NR1H4: variants seen among roughly 807,000 people sequenced by gnomAD.
The protein encoded by NR1H4 is bile acid receptor.
NR1H4 carries 23 observed loss-of-function variants against 58.5 expected under a neutral mutation model. The ratio of observed to expected loss-of-function variants is 0.39; its 90% CI spans 0.28 to 0.56. The LOEUF (loss-of-function observed/expected upper bound fraction) is 0.56. Ranked by LOEUF, NR1H4 falls within the 20% of genes least tolerant of loss-of-function variation. The pLI is 0.58. For synonymous variants in NR1H4, 214 were observed against 198.0 expected (o/e 1.08, Z -0.68); for missense variants, 487 against 576.9 (o/e 0.84, Z 1.60).
chr12:100,499,792 G>T lies in NR1H4; in HGVS notation c.79+6390G>T, dbSNP rs17030224. 3,437 of 451,384 alleles carry T rather than the reference G, an allele frequency of 7.6e-3. 63 individuals carry two copies. The highest frequency in any genetic ancestry group is 0.051 in the African/African-American group (2,547 of 50,026). 28.0% of individuals were successfully genotyped at this position (451,384 alleles called of 1,614,324 possible). ...AATGATAACAGCTAGTATTTCTTGA[G>T]TGCTTTATAGAAATTAATGTGTCAG... On this transcript the variant is annotated intron_variant, in intron 3 of 10. Coordinates refer to ENST00000392986, the MANE Select transcript of NR1H4 (RefSeq NM_001206979.2).
intron 9 of NR1H4, among the ~76,000 whole-genome samples, chr12:100,550,355 A>G (rs1266655713): frequency 6.6e-6 from 1 of 151,968 alleles, no homozygotes; most frequent in Non-Finnish European, 1.5e-5. Flanking sequence ...GAATGAGTTT[A>G]TATTTTGTTT....
chr12:100,493,060 T>C (rs1254992363), intron 2 of NR1H4, among the ~76,000 whole-genome samples: 2 of 152,178 alleles, frequency 1.3e-5, no homozygotes, highest in Non-Finnish European at 2.9e-5. Context: ...GTATCTTTTA[T>C]GCAAGCACGT....
intron 1 of NR1H4, among the ~76,000 whole-genome samples, chr12:100,487,555 CT>C (rs934813698): frequency 2.0e-5 from 3 of 146,954 alleles, no homozygotes; most frequent in African/African-American, 7.5e-5. Context: ...CAAATCAGAT[CT>C]TTTTCTTTTC....
At chr12:100,550,137 TTAGAG>T (rs1379789867) in intron 9 of NR1H4, among the ~76,000 whole-genome samples, 1 of 152,168 alleles carries the variant, frequency 6.6e-6, no homozygotes. Context: ...TTAATGAGAA[TTAGAG>T]TATTTATGTT....
intron 9 of NR1H4, among the ~76,000 whole-genome samples, chr12:100,543,559 T>TTGTGTGTGTGTG (rs60277729): frequency 6.9e-6 from 1 of 145,708 alleles, no homozygotes; most frequent in African/African-American, 2.5e-5. Context: ...TCTGGACAGA[T>TTGTGTGTGTGTG]TGTGTGTGTG....
At chr12:100,491,911 C>T (rs1953613755) in intron 1 of NR1H4, among the ~76,000 whole-genome samples, 1 of 152,166 alleles carries the variant, frequency 6.6e-6, no homozygotes, top group African/African-American at 2.4e-5. Context: ...TATCTCTTGA[C>T]TCTCTATCTC....
chr12:100,521,883 T>C (rs1414399892), intron 4 of NR1H4, among the ~76,000 whole-genome samples: 1 of 152,170 alleles, frequency 6.6e-6, no homozygotes, highest in Non-Finnish European at 1.5e-5. Context: ...TCAAATTATC[T>C]TGGAGTATGA....
chr12:100,518,862 C>A (rs1226406541), intron 4 of NR1H4, among the ~76,000 whole-genome samples: 1 of 146,652 alleles, frequency 6.8e-6, no homozygotes, highest in East Asian at 2.0e-4. Context: ...GCAATCTTGG[C>A]CCACAGCAAC....
At chr12:100,509,194 A>C (rs2136151515) in intron 3 of NR1H4, among the ~76,000 whole-genome samples, 1 of 152,348 alleles carries the variant, frequency 6.6e-6, no homozygotes, top group South Asian at 2.1e-4. Context: ...AATTTGCTCA[A>C]AATCCCACTG....
chr12:100,554,731 T>A (rs1453653769), intron 9 of NR1H4, among the ~76,000 whole-genome samples: 1 of 152,132 alleles, frequency 6.6e-6, no homozygotes, highest in East Asian at 1.9e-4. Flanking sequence ...TAATTGGTCA[T>A]TCAAGCGAAA....
chr12:100,508,277 C>T (rs905276339), intron 3 of NR1H4, among the ~76,000 whole-genome samples: 7 of 151,854 alleles, frequency 4.6e-5, no homozygotes, highest in East Asian at 3.9e-4. Context: ...AGTCTGGAAG[C>T]GGCAAGGCAC....
In NR1H4 at chr12:100,534,906, T is replaced by G; in HGVS notation, c.615T>G (p.Ile205Met). ...TTGTTTTAGGCTTGTTAACTGAAATTCAGTGTAAATCTAAGCGACTGAGAA... is the reference window on the plus strand; with the variant it reads ...TTGTTTTAGGCTTGTTAACTGAAATGCAGTGTAAATCTAAGCGACTGAGAA... ...ECMYTGLLTEIQCKSKRLRKN... is the reference protein window; with the variant it reads ...ECMYTGLLTEMQCKSKRLRKN... The change falls in exon 6 of 11, where the codon ATT (isoleucine) becomes ATG (methionine). Residue 205 changes from isoleucine (I) to methionine (M), a missense_variant. By Grantham distance (10) the Ile-to-Met change is conservative (BLOSUM62 1). Coordinates refer to ENST00000392986, the MANE Select transcript of NR1H4 (RefSeq NM_001206979.2). The G allele has an allele frequency of 6.2e-7, 1 of 1,614,206 alleles. No homozygotes were observed. The highest frequency in any genetic ancestry group is 8.5e-7 in the Non-Finnish European group (1 of 1,180,024).
At chr12:100,485,900 C>T (rs551480487) in intron 1 of NR1H4, among the ~76,000 whole-genome samples, 122 of 152,218 alleles carry the variant, frequency 8.0e-4, no homozygotes, top group Non-Finnish European at 1.5e-3. Context: ...GTATAGTATT[C>T]ACCTGTGAAT....
intron 4 of NR1H4, among the ~76,000 whole-genome samples, chr12:100,513,106 T>G (rs1292309293): frequency 1.3e-5 from 2 of 152,342 alleles, no homozygotes; most frequent in Non-Finnish European, 2.9e-5. Context: ...TTAACCTTTT[T>G]GTGGAGAGTC....
chr12:100,562,786 G>A (rs1955504922), intron 10 of NR1H4, among the ~76,000 whole-genome samples: 1 of 152,028 alleles, frequency 6.6e-6, no homozygotes, highest in Non-Finnish European at 1.5e-5. Context: ...CTCATGATTT[G>A]TAGAGCATAA....
At chr12:100,474,403 A>G (rs925759271) in intron 1 of NR1H4, among the ~76,000 whole-genome samples, 4 of 152,194 alleles carry the variant, frequency 2.6e-5, no homozygotes, top group Admixed American at 6.5e-5. Flanking sequence ...ATAGTGTGCT[A>G]TATTTTGGTG....
At chr12:100,556,890 T>C (rs542918699) in intron 9 of NR1H4, among the ~76,000 whole-genome samples, 2 of 152,214 alleles carry the variant, frequency 1.3e-5, no homozygotes, top group Non-Finnish European at 2.9e-5. Context: ...GGTGTAATTA[T>C]TGAAAAGAAG....
chr12:100,549,194 C>T (rs1012443509), intron 9 of NR1H4, among the ~76,000 whole-genome samples: 9 of 152,080 alleles, frequency 5.9e-5, no homozygotes, highest in African/African-American at 2.2e-4. Flanking sequence ...AAAAATTAGC[C>T]GGGCATGGTG....
chr12:100,544,216 T>C (rs988166313), intron 9 of NR1H4, among the ~76,000 whole-genome samples: 29 of 133,282 alleles, frequency 2.2e-4, no homozygotes, highest in African/African-American at 8.1e-4. Flanking sequence ...CACGCCACTG[T>C]ACTCCAGCCT....
Sources: allele counts gnomAD v4.1 joint callset (sites outside exome capture counted in the v4.1 genomes callset), GRCh38; gene constraint gnomAD v4.1.1; transcripts MANE v1.5; gene names NCBI Gene and HGNC (gene_info 2026-07-23, HGNC 2026-07-21).